TMEM232: variants seen among roughly 807,000 people sequenced by gnomAD.
The protein encoded by TMEM232 is transmembrane protein 232.
A neutral mutation model predicts 78.8 loss-of-function variants in TMEM232; 80 were observed. The ratio of observed to expected loss-of-function variants is 1.01; its 90% CI spans 0.85 to 1.22. TMEM232 has a LOEUF of 1.22. TMEM232 is among the 50% of genes most tolerant of loss of function. The probability of loss-of-function intolerance (pLI) is 0.00; values close to 1 mark genes in which losing one functional copy is unlikely to be tolerated. For missense variants in TMEM232, 881 were observed against 742.2 expected (o/e 1.19, Z -2.17); for synonymous variants, 297 against 254.3 (o/e 1.17, Z -1.60).
chr5:110,507,492 T>C (rs1767049970), intron 12 of TMEM232, among the ~76,000 whole-genome samples: 1 of 152,220 alleles, frequency 6.6e-6, no homozygotes, highest in Non-Finnish European at 1.5e-5. Flanking sequence ...ATCCAACTCA[T>C]ACTTGGCTAA....
intron 2 of TMEM232, among the ~76,000 whole-genome samples, chr5:110,734,574 T>C (rs980193187): frequency 1.1e-4 from 17 of 152,206 alleles, no homozygotes; most frequent in African/African-American, 4.1e-4. Context: ...ACATAAATGC[T>C]ATAGCCTATC....
At chr5:110,423,959 A>C (rs1405059615) in intron 13 of TMEM232, among the ~76,000 whole-genome samples, 1 of 152,198 alleles carries the variant, frequency 6.6e-6, no homozygotes, top group Non-Finnish European at 1.5e-5. Flanking sequence ...ATATTGGTTT[A>C]ACAAAAACTT....
intron 7 of TMEM232, among the ~76,000 whole-genome samples, chr5:110,622,142 C>G (rs4549574): frequency 6.6e-6 from 1 of 152,080 alleles, no homozygotes; most frequent in African/African-American, 2.4e-5. Flanking sequence ...TAGGATAATG[C>G]TCCTAATTTT....
chr5:110,507,122 A>G (rs981190789), intron 12 of TMEM232, among the ~76,000 whole-genome samples: 1 of 152,124 alleles, frequency 6.6e-6, no homozygotes, highest in South Asian at 2.1e-4. Flanking sequence ...CAGAATTTAG[A>G]GATTTTTCAC....
chr5:110,480,697 G>A (rs1221541056), intron 12 of TMEM232, among the ~76,000 whole-genome samples: 1 of 152,034 alleles, frequency 6.6e-6, no homozygotes, highest in African/African-American at 2.4e-5. Flanking sequence ...TTTCAAAGAT[G>A]ATTCTATTTT....
At chr5:110,597,792 G>A (rs1183822234) in intron 10 of TMEM232, among the ~76,000 whole-genome samples, 1 of 152,006 alleles carries the variant, frequency 6.6e-6, no homozygotes, top group African/African-American at 2.4e-5. Flanking sequence ...AAATGGTGCT[G>A]GGAAAACTGG....
At chr5:110,693,316 T>G (rs970675948) in intron 1 of TMEM232, among the ~76,000 whole-genome samples, 1 of 151,966 alleles carries the variant, frequency 6.6e-6, no homozygotes, top group African/African-American at 2.4e-5. Flanking sequence ...GTCACTATCA[T>G]CAAAGACCAA....
intron 8 of TMEM232, among the ~76,000 whole-genome samples, chr5:110,611,732 T>C (rs1029745720): frequency 6.6e-6 from 1 of 152,188 alleles, no homozygotes; most frequent in African/African-American, 2.4e-5. Context: ...AGTTATGCTA[T>C]AGCCCTGGCA....
intron 12 of TMEM232, among the ~76,000 whole-genome samples, chr5:110,469,286 C>G (rs1255057474): frequency 6.6e-6 from 1 of 152,184 alleles, no homozygotes; most frequent in Non-Finnish European, 1.5e-5. Context: ...ATGGAAATCT[C>G]CCATCCCTGA....
At chr5:110,624,038 T>C (rs996038369) in intron 7 of TMEM232, among the ~76,000 whole-genome samples, 2 of 152,114 alleles carry the variant, frequency 1.3e-5, no homozygotes, top group African/African-American at 4.8e-5. Flanking sequence ...AGTGACAAAA[T>C]GGATTCATTC....
At position 110,528,692 on chromosome 5, in the gene TMEM232, G is replaced by T; in HGVS notation, c.1599C>A (p.Ala533=). 1 of 1,534,966 alleles carries T rather than the reference G, an allele frequency of 6.5e-7. No homozygotes were observed. Residue 533 remains alanine (A), a synonymous_variant, in exon 12 of 14, where the codon GCC becomes GCA. Transcript: ENST00000455884. ...ATGGTTTCTTCAAAGGAAGAAAATG[G>T]GCCTCAATGGGGGGAAAGAATAGTT... ...LSKLFFPPIE[A]HFLPLKKPSI... is the part of the protein sequence containing the mutation.
intron 2 of TMEM232, among the ~76,000 whole-genome samples, chr5:110,410,285 C>T (rs1462332683): frequency 2.0e-5 from 3 of 152,142 alleles, no homozygotes; most frequent in African/African-American, 4.8e-5. Flanking sequence ...TTATTATTAG[C>T]TTAATGTATG....
intron 5 of TMEM232, among the ~76,000 whole-genome samples, chr5:110,635,327 A>G (rs1191250271): frequency 6.6e-6 from 1 of 151,978 alleles, no homozygotes; most frequent in Non-Finnish European, 1.5e-5. Context: ...TCTCCCTAAC[A>G]CATTTCCCAA....
At chr5:110,597,318 A>T (rs185925847) in intron 10 of TMEM232, among the ~76,000 whole-genome samples, 2 of 152,126 alleles carry the variant, frequency 1.3e-5, no homozygotes, top group African/African-American at 4.8e-5. Flanking sequence ...GACGTGAAGG[A>T]CCTCTTCAAG....
chr5:110,734,556 T>A (rs1209057851), intron 2 of TMEM232, among the ~76,000 whole-genome samples: 2 of 152,196 alleles, frequency 1.3e-5, no homozygotes, highest in Non-Finnish European at 2.9e-5. Flanking sequence ...GGAATCACCA[T>A]CTTCTGAACA....
At chr5:110,487,939 A>T (rs188850893) in intron 12 of TMEM232, among the ~76,000 whole-genome samples, 107 of 152,004 alleles carry the variant, frequency 7.0e-4, no homozygotes, top group African/African-American at 2.2e-3. Context: ...TCAAAATACC[A>T]CCATTCTTCT....
At chr5:110,708,332 G>T (rs1796143881) in intron 1 of TMEM232, among the ~76,000 whole-genome samples, 1 of 152,102 alleles carries the variant, frequency 6.6e-6, no homozygotes, top group South Asian at 2.1e-4. Context: ...TTTCCTACAA[G>T]AAATGCTAAA....
At chr5:110,611,416 G>A (rs909882537) in intron 8 of TMEM232, among the ~76,000 whole-genome samples, 2 of 152,056 alleles carry the variant, frequency 1.3e-5, no homozygotes, top group Admixed American at 6.6e-5. Context: ...CATTCTTTGA[G>A]TTCCAGGGAA....
intron 10 of TMEM232, among the ~76,000 whole-genome samples, chr5:110,588,046 G>C (rs1269627975): frequency 6.6e-6 from 1 of 151,868 alleles, no homozygotes; most frequent in Non-Finnish European, 1.5e-5. Flanking sequence ...CAAGGTAAGA[G>C]ATATATGAAA....
Sources: gnomAD v4.1 joint callset for allele counts (sites outside exome capture counted in the v4.1 genomes callset) on GRCh38, gnomAD v4.1.1 for gene constraint, MANE v1.5 for transcripts, NCBI Gene and HGNC (gene_info 2026-07-23, HGNC 2026-07-21) for gene names.